AMPD3: variants seen among roughly 807,000 people sequenced by gnomAD.
The protein encoded by AMPD3 is AMP deaminase 3.
In AMPD3, 57 loss-of-function variants were observed where a neutral mutation model predicts 82.3. The ratio of observed to expected loss-of-function variants is 0.69; its 90% CI spans 0.56 to 0.86. The LOEUF (loss-of-function observed/expected upper bound fraction) is 0.86. AMPD3 is among the 40% of genes least tolerant of loss of function. AMPD3 has a pLI of 0.00. For missense variants in AMPD3, 870 were observed against 1,003.8 expected (o/e 0.87, Z 1.80); for synonymous variants, 381 against 394.7 (o/e 0.97, Z 0.41).
At chr11:10,501,004 G>A (rs1591486395) in intron 11 of AMPD3, 1 of 985,336 alleles carries the variant, frequency 1.0e-6, no homozygotes, top group African/African-American at 1.7e-5. Flanking sequence ...GGTGGAGGCA[G>A]TCCTGGGCTG....
chr11:10,505,292 G>A lies in AMPD3; in HGVS notation c.2128-416G>A. 4 of 985,436 alleles carry A rather than the reference G, an allele frequency of 4.1e-6. No individual in the cohort carries two copies. The South Asian group carries it at 1.9e-4, about 46-fold the overall frequency. 61.0% of individuals were successfully genotyped at this position (985,436 alleles called of 1,614,324 possible). A position where few individuals can be genotyped will look rare whatever the true frequency, so the allele number is the denominator to read the frequency against. ...GTGCTCGTCGGATGATGATGCAGCA[G>A]AGTTAAAGGCTTAAGATTCTTTTCA... On this transcript the variant is annotated intron_variant, in intron 14 of 14. Transcript: ENST00000396553.
chr11:10,495,621 C>T lies in AMPD3; in HGVS notation c.1318C>T (p.Leu440Phe). The T allele has an allele frequency of 1.2e-6, 2 of 1,613,822 alleles. No individual in the cohort carries two copies. The highest frequency in any genetic ancestry group is 8.5e-7 in the Non-Finnish European group (1 of 1,180,038). Reference sequence around the variant, plus strand: ...CAAGTACCAGTACTCAGAGCCACGGCTCTCCATCTACGGCCGCAGTCCTGA... The same window carrying T: ...CAAGTACCAGTACTCAGAGCCACGGTTCTCCATCTACGGCCGCAGTCCTGA... ...ESKYQYSEPR[L>F]SIYGRSPEEW... The change falls in exon 9 of 15, where the codon CTC becomes TTC. Residue 440 changes from leucine to phenylalanine, a missense_variant. Leu to Phe is a conservative substitution (Grantham distance 22). Transcript: ENST00000396553.
chr11:10,462,102 G>A (rs955565257), intron 2 of AMPD3, among the ~76,000 whole-genome samples: 6 of 152,110 alleles, frequency 3.9e-5, no homozygotes, highest in Non-Finnish European at 8.8e-5. Flanking sequence ...ACTATTTGCC[G>A]GGTGCTGTGC....
chr11:10,484,860 C>T lies in AMPD3; in HGVS notation c.630C>T (p.Cys210=), dbSNP rs1340430506. The change falls in exon 5 of 15, where the codon TGC becomes TGT. Residue 210 remains cysteine (C), a synonymous_variant. Coordinates refer to ENST00000396553, the MANE Select transcript of AMPD3 (RefSeq NM_001025389.2). ...PPPLPQEDPY[C]LDDAPPNLDY... is the part of the protein sequence containing the mutation. The stretch of plus-strand genomic sequence containing the variant: ...CACTGCCCCAGGAAGACCCCTACTG[C>T]CTGGATGATGCACCCCCCAACCTGG... The T allele has an allele frequency of 6.2e-7, 1 of 1,613,984 alleles. No individual in the cohort carries two copies. The highest frequency in any genetic ancestry group is 1.6e-4 in the Middle Eastern group (1 of 6,078).
chr11:10,487,220 A>G lies in AMPD3; in HGVS notation c.810-15A>G. ...TGCGACTCAACTATGGTCTCTCCCC[A>G]TCTCCAACTTGCAGGAAAACCTATT... On this transcript the variant is annotated splice_polypyrimidine_tract_variant and intron_variant, in intron 5 of 14. Transcript: ENST00000396553. 2 of 1,613,966 alleles carry G rather than the reference A, an allele frequency of 1.2e-6. No individual in the cohort carries two copies. Among genetic ancestry groups the G allele is most frequent in the Non-Finnish European group, 1.7e-6 (2 of 1,179,942 alleles).
At chr11:10,504,793 G>T in intron 14 of AMPD3, 134 bp downstream of exon 14, 1 of 859,566 alleles carries the variant, frequency 1.2e-6, no homozygotes, top group East Asian at 2.6e-5. Context: ...CACAGGGAGA[G>T]AAGACGCGGC....
rs774974291 is a variant in AMPD3 at position 10,478,629 on chromosome 11, A to G, written c.325A>G (p.Thr109Ala). The change falls in exon 3 of 15, where the codon ACA becomes GCA. Residue 109 changes from threonine to alanine, a missense_variant. By Grantham distance (58) the Thr-to-Ala change is moderately conservative (BLOSUM62 0). Coordinates refer to ENST00000396553, the MANE Select transcript of AMPD3 (RefSeq NM_001025389.2). ...PPAASPAMSP[T>A]TPVVTGATSL... is the part of the protein sequence containing the mutation. ...GGCAGCCAGTCCGGCCATGTCTCCC[A>G]CAACCCCTGTGGTCACTGGAGCCAC... The G allele has an allele frequency of 1.8e-5, 29 of 1,614,092 alleles. 1 individual carries two copies. In the South Asian group the frequency reaches 3.1e-4, roughly 17 times the overall value.
chr11:10,458,174 G>A (rs535459966), intron 1 of AMPD3, among the ~76,000 whole-genome samples: 1 of 146,850 alleles, frequency 6.8e-6, no homozygotes, highest in South Asian at 2.1e-4. Flanking sequence ...GGGTTAGGCT[G>A]ATCTTGAACT....
chr11:10,462,522 G>C (rs941866436), intron 2 of AMPD3, among the ~76,000 whole-genome samples: 1 of 152,192 alleles, frequency 6.6e-6, no homozygotes, highest in Non-Finnish European at 1.5e-5. Context: ...CCAAGGCAGA[G>C]ATGGAGGCAG....
chr11:10,482,199 C>G lies in AMPD3; in HGVS notation c.563C>G (p.Thr188Ser). ...TACCTGGGTCATCCGCGGGCGGATA[C>G]TGCACCTCCGGAAGAGGGCCTTCCA... ...SQYLGHPRAD[T>S]APPEEGLPDF... Residue 188 changes from threonine (T) to serine (S), a missense_variant, in exon 4 of 15, where the codon ACT (threonine) becomes AGT (serine). Thr to Ser is a moderately conservative substitution (Grantham distance 58). Coordinates refer to ENST00000396553, the MANE Select transcript of AMPD3 (RefSeq NM_001025389.2). The G allele has an allele frequency of 6.2e-7, 1 of 1,612,876 alleles. No individual in the cohort carries two copies. Among genetic ancestry groups the G allele is most frequent in the Non-Finnish European group, 8.5e-7 (1 of 1,179,698 alleles).
chr11:10,495,610 C>T lies in AMPD3; in HGVS notation c.1307C>T (p.Ser436Leu). ...RELEESKYQY[S>L]EPRLSIYGRS... is the part of the protein sequence containing the mutation. The stretch of plus-strand genomic sequence containing the variant: ...CTGGAGGAGAGCAAGTACCAGTACT[C>T]AGAGCCACGGCTCTCCATCTACGGC... The change falls in exon 9 of 15, where the codon TCA becomes TTA. Residue 436 changes from serine to leucine, a missense_variant. Physicochemically the swap from Ser to Leu is moderately radical, Grantham distance 145 (BLOSUM62 -2). Coordinates refer to ENST00000396553, the MANE Select transcript of AMPD3 (RefSeq NM_001025389.2). 6.2e-7 allele frequency: 1 copy of T among 1,613,650 alleles called. No homozygotes were observed. Among genetic ancestry groups the T allele is most frequent in the Non-Finnish European group, 8.5e-7 (1 of 1,180,030 alleles).
intron 10 of AMPD3, among the ~76,000 whole-genome samples, chr11:10,497,357 C>T (rs1408182654): frequency 6.6e-6 from 1 of 152,128 alleles, no homozygotes. Context: ...GGCCCTCACA[C>T]CATGTGTGAT....
chr11:10,489,402 G>A (rs1849175397), intron 6 of AMPD3, among the ~76,000 whole-genome samples: 1 of 152,184 alleles, frequency 6.6e-6, no homozygotes, highest in Non-Finnish European at 1.5e-5. Flanking sequence ...TTCTTCTAAG[G>A]TGGGGCCCCA....
Position 10,461,629 on chromosome 11 carries a change from C to A in AMPD3, c.110C>A (p.Ala37Asp). The A allele has an allele frequency of 6.2e-7, 1 of 1,614,218 alleles. No homozygotes were observed. The highest frequency in any genetic ancestry group is 8.5e-7 in the Non-Finnish European group (1 of 1,180,036). Residue 37 changes from alanine to aspartate, a missense_variant, in exon 2 of 15, where the codon GCC (alanine) becomes GAC (aspartate). Ala to Asp is a moderately radical substitution (Grantham distance 126). Transcript: ENST00000396553. ...KVLREEDSKD[A>D]LSLFTVPEDC... is the part of the protein sequence containing the mutation. ...CTCCGAGAAGAGGACAGCAAAGATG[C>A]CCTGTCCCTGTTCACTGTCCCAGAG...
chr11:10,463,048 A>T (rs1848317596), intron 2 of AMPD3, among the ~76,000 whole-genome samples: 2 of 152,170 alleles, frequency 1.3e-5, no homozygotes, highest in Non-Finnish European at 2.9e-5. Context: ...ATCCTTTCAC[A>T]GTTTATCTCA....
upstream of AMPD3, among the ~76,000 whole-genome samples, chr11:10,453,984 C>T (rs1280757340): frequency 2.6e-5 from 4 of 152,064 alleles, no homozygotes; most frequent in Non-Finnish European, 5.9e-5. Context: ...GCAGTCTAGT[C>T]TCGGGCAGGA....
chr11:10,501,385 G>C, intron 11 of AMPD3, 85 bp from the exon 12 acceptor site: 1 of 1,573,616 alleles, frequency 6.4e-7, no homozygotes, highest in Non-Finnish European at 8.6e-7. Flanking sequence ...ATTCCCCCCG[G>C]AGCTGGCCCT....
At chr11:10,453,823 G>A (rs7949917), upstream of AMPD3, among the ~76,000 whole-genome samples, 90,714 of 151,816 alleles carry the variant, frequency 0.6, 27,379 homozygotes, top group East Asian at 0.75. Context: ...TCCTGACCTT[G>A]TGATCCACCT....
chr11:10,457,848 T>C (rs563747717), intron 1 of AMPD3, among the ~76,000 whole-genome samples: 49 of 152,286 alleles, frequency 3.2e-4, no homozygotes, highest in African/African-American at 1.1e-3. Flanking sequence ...TAAGCTGTGA[T>C]TGTGCCACTG....
Sources: allele counts gnomAD v4.1 joint callset (sites outside exome capture counted in the v4.1 genomes callset), GRCh38; gene constraint gnomAD v4.1.1; transcripts MANE v1.5; gene names NCBI Gene and HGNC (gene_info 2026-07-23, HGNC 2026-07-21).